The following ARID2 variants were observed in gnomAD, a reference collection of about 807,000 sequenced individuals.
The protein encoded by ARID2 is AT-rich interactive domain-containing protein 2.
Under a neutral mutation model 184.6 loss-of-function variants are expected in ARID2, and 32 were observed. The observed-to-expected ratio is 0.17, with a 90% CI of 0.13 to 0.23. The LOEUF is 0.23. Among genes scored for constraint, ARID2 ranks in the 10% least tolerant of loss-of-function variants. The pLI, the probability that ARID2 is intolerant of heterozygous loss-of-function variation, is 1.00. For missense variants in ARID2, 1,696 were observed against 2,197.6 expected, an observed-to-expected ratio of 0.77 and a Z score of 4.56; for synonymous variants, 836 against 772.6, an observed-to-expected ratio of 1.08 and a Z score of -1.36.
chr12:45,872,033 G>A (rs949276354), intron 16 of ARID2, among the ~76,000 whole-genome samples: 2 of 151,918 alleles, frequency 1.3e-5, no homozygotes, highest in African/African-American at 4.8e-5. Flanking sequence ...ACAGGTTTAT[G>A]TATTTTATTG....
intron 6 of ARID2, among the ~76,000 whole-genome samples, chr12:45,829,702 C>T (rs1246933662): frequency 2.0e-5 from 3 of 148,092 alleles, no homozygotes; most frequent in African/African-American, 7.4e-5. Context: ...TATTTTTGTC[C>T]ATGTTCCATT....
At chr12:45,769,431 A>G (rs762989662) in intron 3 of ARID2, among the ~76,000 whole-genome samples, 1 of 152,226 alleles carries the variant, frequency 6.6e-6, no homozygotes, top group Non-Finnish European at 1.5e-5. Flanking sequence ...ACTGAGTCAC[A>G]GATTTGTACT....
At position 45,770,719 on chromosome 12, in the gene ARID2, C is replaced by T. The variant is rs950936376; in HGVS notation, c.284+39405C>T. 1.3e-4 allele frequency among the ~76,000 whole-genome samples: 20 copies of T among 151,968 alleles called. No individual in the cohort carries two copies. In the East Asian group the frequency reaches 3.7e-3, roughly 28 times the overall value. On this transcript the variant is annotated intron_variant, in intron 3 of 20. Coordinates refer to ENST00000334344, the MANE Select transcript of ARID2 (RefSeq NM_152641.4). ...GTGTGCTGATTGGTTTCCTAGTATG[C>T]AGAGAAAGGCTAAAGCAGAGGCACC... is the stretch of plus-strand genomic sequence containing the variant.
chr12:45,798,166 A>C (rs1942426736), intron 3 of ARID2, among the ~76,000 whole-genome samples: 2 of 152,076 alleles, frequency 1.3e-5, no homozygotes, highest in Non-Finnish European at 1.5e-5. Flanking sequence ...ATACTAATCC[A>C]ACTTAAGAAT....
intron 6 of ARID2, among the ~76,000 whole-genome samples, chr12:45,822,971 C>G (rs1465415239): frequency 2.0e-5 from 3 of 152,052 alleles, no homozygotes; most frequent in Admixed American, 2.0e-4. Context: ...CCAAATGGAC[C>G]TAATAGACAT....
intron 16 of ARID2, among the ~76,000 whole-genome samples, chr12:45,889,301 T>C (rs1473120480): frequency 6.6e-6 from 1 of 152,214 alleles, no homozygotes; most frequent in Non-Finnish European, 1.5e-5. Context: ...CAGAGAAGGC[T>C]TAAAGAAAGT....
intron 3 of ARID2, among the ~76,000 whole-genome samples, chr12:45,795,611 AT>A (rs1167968369): frequency 1.3e-5 from 2 of 150,148 alleles, no homozygotes; most frequent in Non-Finnish European, 3.0e-5. Flanking sequence ...TTTTTTTTGT[AT>A]TTTTTACTAG....
intron 16 of ARID2, among the ~76,000 whole-genome samples, chr12:45,888,419 G>A (rs1008944526): frequency 2.0e-5 from 3 of 152,198 alleles, no homozygotes; most frequent in African/African-American, 4.8e-5. Flanking sequence ...AAGTAGTTGT[G>A]AGCGATAGTG....
chr12:45,788,424 T>C (rs948518788), intron 3 of ARID2, among the ~76,000 whole-genome samples: 1 of 152,178 alleles, frequency 6.6e-6, no homozygotes, highest in Non-Finnish European at 1.5e-5. Flanking sequence ...GATTTCATTA[T>C]CCATATTTAC....
At chr12:45,817,127 C>G (rs763346220) in intron 4 of ARID2, among the ~76,000 whole-genome samples, 1 of 152,104 alleles carries the variant, frequency 6.6e-6, no homozygotes, top group Non-Finnish European at 1.5e-5. Flanking sequence ...AGGCCGCAGC[C>G]GGAGAATTGC....
At chr12:45,901,025 T>C (rs1448949812) in intron 20 of ARID2, among the ~76,000 whole-genome samples, 1 of 152,106 alleles carries the variant, frequency 6.6e-6, no homozygotes, top group Non-Finnish European at 1.5e-5. Context: ...TATTTCATTT[T>C]GGTGGGTCCT....
intron 3 of ARID2, among the ~76,000 whole-genome samples, chr12:45,795,596 T>C (rs922066944): frequency 6.6e-5 from 10 of 151,678 alleles, no homozygotes; most frequent in Admixed American, 4.6e-4. Flanking sequence ...CCACGCCTGG[T>C]TAATTTTTTT....
chr12:45,766,689 A>G lies in ARID2; in HGVS notation c.284+35375A>G, dbSNP rs150384116. 9.3e-4 allele frequency among the ~76,000 whole-genome samples: 140 copies of G among 151,214 alleles called. 1 individual carries two copies. Among genetic ancestry groups the G allele is most frequent in the African/African-American group, 2.6e-3 (108 of 41,124 alleles). ...CCACCACACCTGGCTAATTTTTTGT[A>G]TTTTTTAGTAGGGACAGGGTTTCAC... is the stretch of plus-strand genomic sequence containing the variant. On this transcript the variant is annotated intron_variant, in intron 3 of 20. Coordinates refer to ENST00000334344, the MANE Select transcript of ARID2 (RefSeq NM_152641.4).
chr12:45,817,146 G>A (rs1196317104), intron 4 of ARID2, among the ~76,000 whole-genome samples: 3 of 152,050 alleles, frequency 2.0e-5, no homozygotes, highest in East Asian at 1.9e-4. Flanking sequence ...GCATAAACTC[G>A]GTAGATTGAG....
rs140108724 is a variant in ARID2, at chr12:45,812,374, A to G, written c.418+823A>G. On this transcript the variant is annotated intron_variant, in intron 4 of 20. Transcript: ENST00000334344. ...TTGTGGACTATCATCAGTATCATCA[A>G]CTTTTTTTTCGTATTATCTATTTTC... is the stretch of plus-strand genomic sequence containing the variant. Among the ~76,000 whole-genome samples the G allele has an allele frequency of 1.7e-3, 266 of 152,136 alleles. 1 individual carries two copies. Among genetic ancestry groups the G allele is most frequent in the African/African-American group, 5.9e-3 (246 of 41,528 alleles).
At chr12:45,854,887 A>ACC (rs923779815) in intron 15 of ARID2, among the ~76,000 whole-genome samples, 4 of 152,252 alleles carry the variant, frequency 2.6e-5, no homozygotes, top group Admixed American at 2.0e-4. Context: ...AAAATTTATT[A>ACC]TAAAGATGAG....
At chr12:45,736,395 TATTCTC>T (rs1470499752) in intron 3 of ARID2, among the ~76,000 whole-genome samples, 1 of 152,022 alleles carries the variant, frequency 6.6e-6, no homozygotes, top group Non-Finnish European at 1.5e-5. Flanking sequence ...AGATATTTTA[TATTCTC>T]AAACTGAATG....
At chr12:45,737,148 A>C (rs370731860) in intron 3 of ARID2, among the ~76,000 whole-genome samples, 9 of 152,198 alleles carry the variant, frequency 5.9e-5, no homozygotes, top group African/African-American at 2.2e-4. Flanking sequence ...GCAATAAACT[A>C]TTGCTGGAAT....
At chr12:45,820,317 A>G (rs993126212) in intron 5 of ARID2, among the ~76,000 whole-genome samples, 1 of 152,168 alleles carries the variant, frequency 6.6e-6, no homozygotes, top group African/African-American at 2.4e-5. Context: ...CCTTTTAAAT[A>G]TTTTGTAAGA....
Sources: gnomAD v4.1 joint callset for allele counts (sites outside exome capture counted in the v4.1 genomes callset) on GRCh38, gnomAD v4.1.1 for gene constraint, MANE v1.5 for transcripts, NCBI Gene and HGNC (gene_info 2026-07-23, HGNC 2026-07-21) for gene names.